The following MAGI1 variants were observed in gnomAD, a reference collection of about 807,000 sequenced individuals.
The protein encoded by MAGI1 is membrane-associated guanylate kinase, WW and PDZ domain-containing protein 1.
In MAGI1, 58 loss-of-function variants were observed where a neutral mutation model predicts 139.9. The observed-to-expected ratio is 0.41, with a 90% CI of 0.34 to 0.52. The LOEUF (loss-of-function observed/expected upper bound fraction) is 0.52, where lower values mean the gene tolerates loss of function less well. Among genes scored for constraint, MAGI1 ranks in the 20% least tolerant of loss-of-function variants. The probability of loss-of-function intolerance (pLI) is 0.12; values close to 1 mark genes in which losing one functional copy is unlikely to be tolerated. For synonymous variants in MAGI1, 812 were observed against 737.9 expected (o/e 1.10, Z -1.63); for missense variants, 1,874 against 1,901.6 (o/e 0.99, Z 0.27).
intron 1 of MAGI1, among the ~76,000 whole-genome samples, chr3:65,799,131 T>A (rs1302040537): frequency 6.6e-6 from 1 of 152,164 alleles, no homozygotes; most frequent in African/African-American, 2.4e-5. Context: ...AAAAATCATA[T>A]GCTGAGGTTG....
chr3:65,586,010 C>T (rs2081655906), intron 2 of MAGI1, among the ~76,000 whole-genome samples: 1 of 152,070 alleles, frequency 6.6e-6, no homozygotes, highest in Admixed American at 6.6e-5. Flanking sequence ...GAGTTCGAGA[C>T]CAGCCCTGGC....
intron 7 of MAGI1, among the ~76,000 whole-genome samples, chr3:65,443,896 T>C (rs1420667180): frequency 2.6e-5 from 4 of 152,194 alleles, no homozygotes; most frequent in South Asian, 2.1e-4. Context: ...CAAGGAATCA[T>C]GTGGTCACTA....
chr3:65,757,135 C>A (rs1217275766), intron 1 of MAGI1, among the ~76,000 whole-genome samples: 1 of 152,158 alleles, frequency 6.6e-6, no homozygotes, highest in Non-Finnish European at 1.5e-5. Flanking sequence ...TACTTTTTAA[C>A]AGTAACTTGG....
At chr3:65,948,595 C>CA (rs1202874979) in intron 1 of MAGI1, among the ~76,000 whole-genome samples, 6 of 152,008 alleles carry the variant, frequency 3.9e-5, no homozygotes, top group Non-Finnish European at 7.4e-5. Flanking sequence ...AGGGTTAACC[C>CA]AAAAAACATC....
chr3:65,988,651 C>T (rs1420527104), intron 1 of MAGI1, among the ~76,000 whole-genome samples: 3 of 152,158 alleles, frequency 2.0e-5, no homozygotes, highest in Non-Finnish European at 4.4e-5. Context: ...TAATTAGCAG[C>T]TGTTGTTCAG....
At chr3:65,557,972 T>C (rs552895690) in intron 2 of MAGI1, among the ~76,000 whole-genome samples, 22 of 152,254 alleles carry the variant, frequency 1.4e-4, no homozygotes, top group African/African-American at 4.3e-4. Context: ...ATGCCTTCAA[T>C]AGGGAGATAA....
chr3:65,919,009 G>A (rs1437112761), intron 1 of MAGI1, among the ~76,000 whole-genome samples: 2 of 152,054 alleles, frequency 1.3e-5, no homozygotes. Context: ...ATTATTCTGG[G>A]AAACAATACT....
chr3:65,450,666 G>A (rs62252646), intron 6 of MAGI1, among the ~76,000 whole-genome samples: 22,971 of 152,070 alleles, frequency 0.15, 2,083 homozygotes, highest in Middle Eastern at 0.22. Context: ...GCAACACTGA[G>A]GGCTTCTAAC....
At chr3:65,371,928 G>A (rs1222162149) in intron 18 of MAGI1, 1 of 447,020 alleles carries the variant, frequency 2.2e-6, no homozygotes, top group Non-Finnish European at 4.5e-6. Context: ...AGGAACTTCT[G>A]CAGCTTCTTC....
intron 2 of MAGI1, chr3:65,597,659 T>C (rs1427967883): frequency 2.2e-6 from 1 of 455,422 alleles, no homozygotes; most frequent in Admixed American, 2.4e-5. Flanking sequence ...TCCATGGATA[T>C]TCCCACAACC....
At chr3:65,637,254 G>C (rs951679502) in intron 1 of MAGI1, among the ~76,000 whole-genome samples, 2 of 150,948 alleles carry the variant, frequency 1.3e-5, no homozygotes, top group African/African-American at 4.9e-5. Context: ...GAGCATATTA[G>C]AAAAAAAAAT....
chr3:65,770,096 G>C (rs966899726), intron 1 of MAGI1, among the ~76,000 whole-genome samples: 4 of 152,186 alleles, frequency 2.6e-5, no homozygotes, highest in Non-Finnish European at 4.4e-5. Flanking sequence ...AAAGGTGAGA[G>C]AGGCAGAAGA....
intron 1 of MAGI1, among the ~76,000 whole-genome samples, chr3:65,667,070 T>A (rs2086578920): frequency 6.6e-6 from 1 of 152,178 alleles, no homozygotes; most frequent in Non-Finnish European, 1.5e-5. Flanking sequence ...TGAGTGAAAA[T>A]GGCATTCCTT....
intron 1 of MAGI1, among the ~76,000 whole-genome samples, chr3:65,666,624 T>G (rs1413697139): frequency 6.6e-6 from 1 of 152,190 alleles, no homozygotes; most frequent in Non-Finnish European, 1.5e-5. Context: ...ATTCCCAAAC[T>G]GATTTGACCA....
chr3:65,996,540 AGG>A (rs55913122), intron 1 of MAGI1, among the ~76,000 whole-genome samples: 73,645 of 126,474 alleles, frequency 0.58, 21,042 homozygotes, highest in East Asian at 0.76. Flanking sequence ...TGAAAAACTA[AGG>A]GGGGGGGGGG....
At chr3:65,409,026 A>C (rs1945571944) in intron 12 of MAGI1, among the ~76,000 whole-genome samples, 1 of 152,228 alleles carries the variant, frequency 6.6e-6, no homozygotes, top group African/African-American at 2.4e-5. Flanking sequence ...GGGGATGCAC[A>C]ACTACTTTAT....
intron 1 of MAGI1, among the ~76,000 whole-genome samples, chr3:65,822,946 A>G (rs1475334971): frequency 6.6e-6 from 1 of 152,232 alleles, no homozygotes; most frequent in Non-Finnish European, 1.5e-5. Context: ...TGGTGGGGAC[A>G]CAGATCCAAA....
intron 2 of MAGI1, among the ~76,000 whole-genome samples, chr3:65,620,601 T>C (rs2083611952): frequency 6.6e-6 from 1 of 152,194 alleles, no homozygotes; most frequent in Admixed American, 6.5e-5. Context: ...TTAATTATTA[T>C]TAAGCCAAAA....
At chr3:65,635,402 T>G (rs1002468671) in intron 1 of MAGI1, among the ~76,000 whole-genome samples, 2 of 152,198 alleles carry the variant, frequency 1.3e-5, no homozygotes, top group African/African-American at 4.8e-5. Flanking sequence ...ATAAGGACAC[T>G]GTAAAACATC....
Sources: gnomAD v4.1 joint callset for allele counts (sites outside exome capture counted in the v4.1 genomes callset) on GRCh38, gnomAD v4.1.1 for gene constraint, MANE v1.5 for transcripts, NCBI Gene and HGNC (gene_info 2026-07-23, HGNC 2026-07-21) for gene names.